Variants in MYO3A observed in about 807,000 individuals in gnomAD.
The protein encoded by MYO3A is myosin-IIIa.
A neutral mutation model predicts 192.7 loss-of-function variants in MYO3A; 180 were observed. The observed-to-expected ratio is 0.93, with a 90% confidence interval of 0.83 to 1.06. The LOEUF (loss-of-function observed/expected upper bound fraction) is 1.06, where lower values mean the gene tolerates loss of function less well. Ranked by LOEUF, MYO3A falls within the 50% of genes least tolerant of loss-of-function variation. The pLI is 0.00. For synonymous variants in MYO3A, 628 were observed against 645.3 expected, an observed-to-expected ratio of 0.97 and a Z score of 0.41; for missense variants, 1,896 against 1,905.0, an observed-to-expected ratio of 1.00 and a Z score of 0.09.
At chr10:26,132,705 T>C (rs1839612148) in intron 20 of MYO3A, among the ~76,000 whole-genome samples, 1 of 152,194 alleles carries the variant, frequency 6.6e-6, no homozygotes, top group Non-Finnish European at 1.5e-5. Flanking sequence ...TTTATTTCTG[T>C]AGAAGGATGA....
chr10:25,983,755 C>G (rs1839479570), intron 4 of MYO3A, among the ~76,000 whole-genome samples: 2 of 152,160 alleles, frequency 1.3e-5, no homozygotes, highest in Non-Finnish European at 2.9e-5. Context: ...ACAAGAAGCT[C>G]AGAGAACACC....
intron 10 of MYO3A, among the ~76,000 whole-genome samples, chr10:26,048,535 A>T (rs1313552993): frequency 7.1e-6 from 1 of 140,628 alleles, no homozygotes; most frequent in East Asian, 2.0e-4. Context: ...GCTATAGATT[A>T]TATACATACA....
Position 26,132,951 on chromosome 10 carries a change from G to A in MYO3A, c.2262+4413G>A, listed in dbSNP as rs140271188. Among the ~76,000 whole-genome samples the A allele has an allele frequency of 2.0e-3, 301 of 152,140 alleles. No individual in the cohort carries two copies. The Middle Eastern group carries it at 0.027, about 14-fold the overall frequency. On this transcript the variant is annotated intron_variant, in intron 20 of 34. Coordinates refer to ENST00000642920, the MANE Select transcript of MYO3A (RefSeq NM_017433.5). ...TGTGGGCTCCAACACATAATTTGTG[G>A]CAATTACAAAGAATAAAAATTCACT...
At chr10:26,043,365 C>A (rs61112806) in intron 10 of MYO3A, among the ~76,000 whole-genome samples, 24,718 of 151,424 alleles carry the variant, frequency 0.16, 2,303 homozygotes, top group Non-Finnish European at 0.21. Context: ...GCAGGTGGCA[C>A]AGCCAGCCAG....
At chr10:26,003,554 C>T (rs1203497734) in intron 6 of MYO3A, among the ~76,000 whole-genome samples, 1 of 151,998 alleles carries the variant, frequency 6.6e-6, no homozygotes, top group African/African-American at 2.4e-5. Context: ...AGCAAAATGA[C>T]AAGTGAGGTT....
chr10:26,199,608 C>T (rs1843586606), intron 32 of MYO3A, among the ~76,000 whole-genome samples: 1 of 151,604 alleles, frequency 6.6e-6, no homozygotes, highest in Non-Finnish European at 1.5e-5. Flanking sequence ...CTAACACAGG[C>T]AAGAGTGAAA....
chr10:26,206,449 ATTTG>A (rs1843952384), intron 34 of MYO3A, among the ~76,000 whole-genome samples: 1 of 150,784 alleles, frequency 6.6e-6, no homozygotes, highest in Admixed American at 6.6e-5. Context: ...TATATTATTT[ATTTG>A]TTTATTTATT....
intron 26 of MYO3A, 63 bp from the exon 27 acceptor site, chr10:26,166,004 C>T (rs1431732412): frequency 7.4e-7 from 1 of 1,349,726 alleles, no homozygotes; most frequent in Admixed American, 1.7e-5. Flanking sequence ...GTTGGGGAAC[C>T]ACCAAGCTAC....
At chr10:26,085,583 G>A (rs1836254344) in intron 14 of MYO3A, among the ~76,000 whole-genome samples, 1 of 152,176 alleles carries the variant, frequency 6.6e-6, no homozygotes. Flanking sequence ...GCTTAGGTGT[G>A]CCAGAGGCTT....
chr10:26,093,116 C>T (rs1438032417), intron 15 of MYO3A, among the ~76,000 whole-genome samples: 1 of 152,136 alleles, frequency 6.6e-6, no homozygotes, highest in Non-Finnish European at 1.5e-5. Flanking sequence ...AATGTTAACA[C>T]TTAACTGATA....
chr10:26,187,539 G>C (rs144218895), intron 31 of MYO3A, among the ~76,000 whole-genome samples: 3 of 151,568 alleles, frequency 2.0e-5, no homozygotes, highest in African/African-American at 7.3e-5. Context: ...TGTGCACAAC[G>C]TGCAGGTTTG....
At chr10:26,005,250 G>A (rs983297506) in intron 6 of MYO3A, among the ~76,000 whole-genome samples, 15 of 151,994 alleles carry the variant, frequency 9.9e-5, no homozygotes, top group African/African-American at 3.6e-4. Flanking sequence ...AAATAAAATC[G>A]TGAGGGAATA....
intron 20 of MYO3A, among the ~76,000 whole-genome samples, chr10:26,141,280 GA>G (rs1840151229): frequency 6.6e-6 from 1 of 152,286 alleles, no homozygotes; most frequent in South Asian, 2.1e-4. Context: ...GAAGAAATAG[GA>G]GCTTTCTTTC....
At chr10:25,979,516 A>G (rs1173238581) in intron 4 of MYO3A, among the ~76,000 whole-genome samples, 1 of 151,856 alleles carries the variant, frequency 6.6e-6, no homozygotes, top group East Asian at 1.9e-4. Flanking sequence ...AAGACATCAT[A>G]ACCAAAGGAA....
At position 26,026,440 on chromosome 10, in the gene MYO3A, T is replaced by C. The variant is rs1325542830; in HGVS notation, c.861T>C (p.Ile287=). The stretch of plus-strand genomic sequence containing the variant: ...CAGAACTTTTACAGCATAAATTCAT[T>C]ACTCAAATTGAGGGCAAAGATGTGA... ...TVSELLQHKF[I]TQIEGKDVML... Residue 287 remains isoleucine (I), a synonymous_variant, in exon 10 of 35, where the codon ATT becomes ATC. Coordinates refer to ENST00000642920, the MANE Select transcript of MYO3A (RefSeq NM_017433.5). 6.2e-7 allele frequency: 1 copy of C among 1,614,148 alleles called. No homozygotes were observed. Among genetic ancestry groups the C allele is most frequent in the Non-Finnish European group, 8.5e-7 (1 of 1,179,990 alleles).
At chr10:26,145,866 C>A (rs1840433067) in intron 22 of MYO3A, among the ~76,000 whole-genome samples, 2 of 152,142 alleles carry the variant, frequency 1.3e-5, no homozygotes, top group African/African-American at 4.8e-5. Flanking sequence ...TAAGAAAAAA[C>A]AAAAAGAAAA....
At chr10:26,000,459 A>C (rs528487820) in intron 6 of MYO3A, among the ~76,000 whole-genome samples, 1 of 152,328 alleles carries the variant, frequency 6.6e-6, no homozygotes, top group South Asian at 2.1e-4. Context: ...AAAAAAAATG[A>C]TTGAGGTAAC....
intron 14 of MYO3A, 123 bp from the exon 15 acceptor site, chr10:26,088,080 A>G (rs943680008): frequency 3.9e-6 from 3 of 766,580 alleles, no homozygotes; most frequent in African/African-American, 3.5e-5. Flanking sequence ...ATCTGCCAAT[A>G]TATCAGGAAC....
Position 25,997,971 on chromosome 10 carries a change from G to A in MYO3A, c.508+713G>A, listed in dbSNP as rs41528746. On this transcript the variant is annotated intron_variant, in intron 6 of 34. Transcript: ENST00000642920. ...TGACAGTAATCCTGAAGATGTCTCA[G>A]TATCCTTCAGTCGTTATTCTCCTTC... Among the ~76,000 whole-genome samples the A allele has an allele frequency of 3.3e-3, 503 of 152,302 alleles. 3 individuals carry two copies. The highest frequency in any genetic ancestry group is 0.012 in the African/African-American group (484 of 41,564).
Sources: gnomAD v4.1 joint callset for allele counts (sites outside exome capture counted in the v4.1 genomes callset) on GRCh38, gnomAD v4.1.1 for gene constraint, MANE v1.5 for transcripts, NCBI Gene and HGNC (gene_info 2026-07-23, HGNC 2026-07-21) for gene names.